FRMPD1: variants seen among roughly 807,000 people sequenced by gnomAD.
The protein encoded by FRMPD1 is FERM and PDZ domain-containing protein 1.
FRMPD1 carries 76 observed loss-of-function variants against 117.8 expected under a neutral mutation model. The observed-to-expected ratio is 0.65, with a 90% CI of 0.54 to 0.78. The LOEUF (loss-of-function observed/expected upper bound fraction) is 0.78. FRMPD1 is among the 30% of genes least tolerant of loss of function. FRMPD1 has a pLI of 0.00. For missense variants in FRMPD1, 1,786 were observed against 1,964.5 expected, an observed-to-expected ratio of 0.91 and a Z score of 1.72; for synonymous variants, 783 against 770.4, an observed-to-expected ratio of 1.02 and a Z score of -0.27.
the FRMPD1 span, among the ~76,000 whole-genome samples, chr9:37,614,946 G>A: frequency 6.6e-6 from 1 of 152,126 alleles, no homozygotes; most frequent in African/African-American, 2.4e-5. Context: ...TTAAAACAAG[G>A]GGAAGAAATT....
chr9:37,740,919 G>A lies in FRMPD1; in HGVS notation c.2356+35G>A, dbSNP rs1404558940. On this transcript the variant is annotated intron_variant, in intron 15 of 15. Transcript: ENST00000377765. This position sits in a 1 kb window ranked among gnomAD's most constrained non-coding sequence, Gnocchi z 4.2. ...CCCTTGCAGGTCTGCAGACACGGCA[G>A]GCAGCTCCTGAGTGCCTCCCGGGGA... The A allele has an allele frequency of 1.3e-6, 2 of 1,545,840 alleles. No homozygotes were observed. Among genetic ancestry groups the A allele is most frequent in the African/African-American group, 2.7e-5 (2 of 73,700 alleles).
intron 1 of FRMPD1, among the ~76,000 whole-genome samples, chr9:37,680,999 C>G (rs1029063247): frequency 2.0e-5 from 3 of 151,932 alleles, no homozygotes; most frequent in African/African-American, 7.3e-5. Flanking sequence ...CACTGGAGGC[C>G]AGGAGTTCGA....
chr9:37,684,605 G>A (rs1341828123), intron 1 of FRMPD1, among the ~76,000 whole-genome samples: 2 of 152,142 alleles, frequency 1.3e-5, no homozygotes, highest in Non-Finnish European at 2.9e-5. Flanking sequence ...ATTGTAGCAC[G>A]TCAGATAGAA....
At chr9:37,614,106 C>T in the FRMPD1 span, among the ~76,000 whole-genome samples, 1 of 152,144 alleles carries the variant, frequency 6.6e-6, no homozygotes, top group African/African-American at 2.4e-5. Context: ...ATCACTCTAA[C>T]ATAGGTAGAA....
chr9:37,724,168 T>C (rs1247617815), intron 6 of FRMPD1, 57 bp from the exon 7 acceptor site: 4 of 870,344 alleles, frequency 4.6e-6, no homozygotes, highest in Non-Finnish European at 7.7e-6. Flanking sequence ...AGAGAGACCC[T>C]GTCTCCAGAA....
chr9:37,720,401 A>G (rs1823342240), intron 6 of FRMPD1, among the ~76,000 whole-genome samples: 2 of 152,268 alleles, frequency 1.3e-5, no homozygotes, highest in South Asian at 4.1e-4. Context: ...GCGGTGGCTC[A>G]CGCCTGTAAT....
chr9:37,612,042 T>C, the FRMPD1 span, among the ~76,000 whole-genome samples: 1 of 152,190 alleles, frequency 6.6e-6, no homozygotes, highest in Admixed American at 6.5e-5. Context: ...CCAGCACCTA[T>C]GCAAAATACA....
the FRMPD1 span, among the ~76,000 whole-genome samples, chr9:37,627,846 A>T: frequency 1.3e-5 from 2 of 152,234 alleles, no homozygotes; most frequent in African/African-American, 4.8e-5. Context: ...TATATAGCCT[A>T]TTCAGGCTAC....
At chr9:37,604,544 C>T in the FRMPD1 span, among the ~76,000 whole-genome samples, 1 of 152,206 alleles carries the variant, frequency 6.6e-6, no homozygotes, top group Non-Finnish European at 1.5e-5. Context: ...CAGAGCAACT[C>T]CTTCCAAATC....
upstream of FRMPD1, among the ~76,000 whole-genome samples, chr9:37,649,065 C>A (rs1820590656): frequency 6.6e-6 from 1 of 152,054 alleles, no homozygotes; most frequent in African/African-American, 2.4e-5. Context: ...GAGGCTGACA[C>A]TGACGCAGGT....
the FRMPD1 span, among the ~76,000 whole-genome samples, chr9:37,638,190 C>G: frequency 6.6e-6 from 1 of 151,854 alleles, no homozygotes; most frequent in Non-Finnish European, 1.5e-5. Flanking sequence ...TCTTCTGCCT[C>G]AGCCTCCCGA....
Position 37,709,779 on chromosome 9 carries a change from T to C in FRMPD1, c.362+1278T>C, listed in dbSNP as rs112040124. Among the ~76,000 whole-genome samples, 991 of 152,288 alleles carry C rather than the reference T, an allele frequency of 6.5e-3. 11 individuals carry two copies. The highest frequency in any genetic ancestry group is 0.023 in the African/African-American group (947 of 41,554). Reference sequence around the variant, plus strand: ...AAGCAACTGGGTGGGAAGTAGGGGCTGCTGAGCAGTTCAGTTTGCCTGCAG... The same window carrying C: ...AAGCAACTGGGTGGGAAGTAGGGGCCGCTGAGCAGTTCAGTTTGCCTGCAG... On this transcript the variant is annotated intron_variant, in intron 4 of 15. Coordinates refer to ENST00000377765, the MANE Select transcript of FRMPD1 (RefSeq NM_014907.3).
At chr9:37,677,714 T>C (rs1376776254) in intron 1 of FRMPD1, among the ~76,000 whole-genome samples, 3 of 152,192 alleles carry the variant, frequency 2.0e-5, no homozygotes, top group Non-Finnish European at 2.9e-5. Context: ...CTGTGAAAGC[T>C]TGGAAGGAGG....
At chr9:37,718,287 T>A (rs917380804) in intron 5 of FRMPD1, among the ~76,000 whole-genome samples, 1 of 152,206 alleles carries the variant, frequency 6.6e-6, no homozygotes, top group Non-Finnish European at 1.5e-5. Flanking sequence ...ATCTTGGTAC[T>A]TTTACACATG....
At chr9:37,695,928 A>G (rs1822303762) in intron 2 of FRMPD1, among the ~76,000 whole-genome samples, 1 of 151,358 alleles carries the variant, frequency 6.6e-6, no homozygotes, top group African/African-American at 2.4e-5. Context: ...ACCCCAAACC[A>G]TTCAGTGGCT....
rs369957649 is a variant in FRMPD1 at position 37,746,427 on chromosome 9, C to G, written c.4395C>G (p.Gly1465=). ...AAAGCCGGAGCCGCCTCTGCATGGG[C>G]TCCCAGAAGCTCCTGTCGAGCTGTC... ...FTESRSRLCM[G]SQKLLSSCRH... is the part of the protein sequence containing the mutation. Residue 1465 remains glycine (G), a synonymous_variant, in exon 16 of 16, where the codon GGC becomes GGG. Transcript: ENST00000377765. 2 of 1,613,492 alleles carry G rather than the reference C, an allele frequency of 1.2e-6. No homozygotes were observed. Among genetic ancestry groups the G allele is most frequent in the Non-Finnish European group, 1.7e-6 (2 of 1,180,024 alleles).
At position 37,709,199 on chromosome 9, in the gene FRMPD1, T is replaced by C. The variant is rs77489346; in HGVS notation, c.362+698T>C. Among the ~76,000 whole-genome samples, 8 of 152,070 alleles carry C rather than the reference T, an allele frequency of 5.3e-5. No individual in the cohort carries two copies. In the East Asian group the frequency reaches 1.5e-3, roughly 29 times the overall value. ...GCACATGAAGCTTTGGCTTTTAAAT[T>C]TTTCACTCAACATTGTTCTAATGAC... On this transcript the variant is annotated intron_variant, in intron 4 of 15. Coordinates refer to ENST00000377765, the MANE Select transcript of FRMPD1 (RefSeq NM_014907.3).
At chr9:37,700,753 G>A (rs939263944) in intron 2 of FRMPD1, among the ~76,000 whole-genome samples, 2 of 152,166 alleles carry the variant, frequency 1.3e-5, no homozygotes, top group African/African-American at 2.4e-5. Flanking sequence ...TTCTACCTTA[G>A]GGGAGATCCA....
chr9:37,729,340 G>A (rs951965420), intron 7 of FRMPD1, among the ~76,000 whole-genome samples: 29 of 120,848 alleles, frequency 2.4e-4, no homozygotes, highest in Non-Finnish European at 4.2e-4. Context: ...CCAAGATCAC[G>A]CCACTGCACT....
Sources: allele counts gnomAD v4.1 joint callset (sites outside exome capture counted in the v4.1 genomes callset), GRCh38; gene constraint gnomAD v4.1.1; non-coding constraint Gnocchi (gnomAD v3.1); transcripts MANE v1.5; gene names NCBI Gene and HGNC (gene_info 2026-07-23, HGNC 2026-07-21).